Variants in KCNQ5 observed in about 807,000 individuals in gnomAD.
KCNQ5 encodes potassium voltage-gated channel subfamily KQT member 5.
A neutral mutation model predicts 98.2 loss-of-function variants in KCNQ5; 30 were observed. The observed-to-expected ratio is 0.31, with a 90% CI of 0.23 to 0.41. The LOEUF is 0.41. Among genes scored for constraint, KCNQ5 ranks in the 10% least tolerant of loss-of-function variants. KCNQ5 has a pLI of 1.00. For missense variants in KCNQ5, 835 were observed against 1,182.5 expected (o/e 0.71, Z 4.31); for synonymous variants, 458 against 449.4 (o/e 1.02, Z -0.24).
At chr6:73,111,166 C>T in intron 6 of KCNQ5, 142 bp from the exon 7 acceptor site, 2 of 640,220 alleles carry the variant, frequency 3.1e-6, no homozygotes, top group Non-Finnish European at 5.5e-6. Context: ...ATAAATACTG[C>T]TTATTTTAAT....
At chr6:72,752,440 A>G (rs927432772) in intron 1 of KCNQ5, among the ~76,000 whole-genome samples, 2 of 152,158 alleles carry the variant, frequency 1.3e-5, no homozygotes, top group African/African-American at 2.4e-5. Context: ...CAGCCTAGGT[A>G]CAGATTTCTG....
chr6:72,986,340 G>C (rs1003429535), intron 1 of KCNQ5: 3 of 370,554 alleles, frequency 8.1e-6, no homozygotes, highest in African/African-American at 6.2e-5. Context: ...AGGTGGGGAA[G>C]TTTGGTCCAT....
chr6:72,841,371 C>A (rs1451405166), intron 1 of KCNQ5, among the ~76,000 whole-genome samples: 3 of 152,150 alleles, frequency 2.0e-5, no homozygotes, highest in East Asian at 3.8e-4. Context: ...TGTTTTACTG[C>A]TGTAATTATG....
chr6:72,679,100 T>C (rs985842021), intron 1 of KCNQ5, among the ~76,000 whole-genome samples: 3 of 152,168 alleles, frequency 2.0e-5, no homozygotes, highest in African/African-American at 7.2e-5. Flanking sequence ...TTGCAGAGAA[T>C]GTTTGTTTTG....
chr6:73,038,170 C>A (rs1049766760), intron 2 of KCNQ5, among the ~76,000 whole-genome samples: 4 of 151,984 alleles, frequency 2.6e-5, no homozygotes, highest in Admixed American at 6.5e-5. Context: ...ATTTTCATTT[C>A]CACATGATCA....
At chr6:73,185,309 G>A (rs1242510859) in intron 11 of KCNQ5, among the ~76,000 whole-genome samples, 2 of 152,112 alleles carry the variant, frequency 1.3e-5, no homozygotes, top group East Asian at 3.9e-4. Flanking sequence ...AGCCTCCCAA[G>A]TAGCTGGGAG....
chr6:73,152,032 GTCTC>G (rs1450510632), intron 10 of KCNQ5, among the ~76,000 whole-genome samples: 1 of 151,960 alleles, frequency 6.6e-6, no homozygotes, highest in Non-Finnish European at 1.5e-5. Flanking sequence ...CTCCTGTTGC[GTCTC>G]TCTGTGTCAC....
chr6:72,912,845 C>T (rs977807104), intron 1 of KCNQ5, among the ~76,000 whole-genome samples: 2 of 151,998 alleles, frequency 1.3e-5, no homozygotes, highest in Admixed American at 6.6e-5. Flanking sequence ...TATTTGAATT[C>T]TATATTATTA....
At chr6:73,144,266 T>A (rs1255623924) in intron 10 of KCNQ5, among the ~76,000 whole-genome samples, 1 of 152,214 alleles carries the variant, frequency 6.6e-6, no homozygotes, top group Non-Finnish European at 1.5e-5. Context: ...TTTCAACATC[T>A]AATTTGTTCG....
At chr6:72,943,806 T>G (rs1766417952) in intron 1 of KCNQ5, among the ~76,000 whole-genome samples, 1 of 152,222 alleles carries the variant, frequency 6.6e-6, no homozygotes, top group African/African-American at 2.4e-5. Context: ...AAATGACTGC[T>G]AAGATTTAGC....
intron 1 of KCNQ5, among the ~76,000 whole-genome samples, chr6:72,783,316 A>G (rs1561980557): frequency 6.6e-6 from 1 of 152,210 alleles, no homozygotes; most frequent in African/African-American, 2.4e-5. Context: ...AGGCTTCACA[A>G]TAAGAGTATT....
intron 3 of KCNQ5, among the ~76,000 whole-genome samples, chr6:73,048,508 G>C (rs1182017321): frequency 3.9e-5 from 6 of 152,172 alleles, no homozygotes; most frequent in African/African-American, 1.4e-4. Context: ...CAGGCCACCA[G>C]GCAAAGGTCC....
chr6:73,049,249 G>C (rs1285279624), intron 3 of KCNQ5, among the ~76,000 whole-genome samples: 2 of 152,174 alleles, frequency 1.3e-5, no homozygotes, highest in African/African-American at 4.8e-5. Context: ...TGCAGGAGGA[G>C]ACTTTTAAAA....
intron 1 of KCNQ5, among the ~76,000 whole-genome samples, chr6:72,711,454 G>C (rs1344581698): frequency 1.3e-5 from 2 of 152,162 alleles, no homozygotes; most frequent in Non-Finnish European, 2.9e-5. Flanking sequence ...AAAAGCACTT[G>C]GTGCATTTGA....
intron 9 of KCNQ5, among the ~76,000 whole-genome samples, chr6:73,125,878 A>G (rs180904573): frequency 9.5e-4 from 144 of 151,884 alleles, no homozygotes; most frequent in Non-Finnish European, 5.0e-4. Context: ...CCTTGGAGAT[A>G]TTTCCAGAAA....
At chr6:72,746,376 C>G (rs1453082104) in intron 1 of KCNQ5, among the ~76,000 whole-genome samples, 1 of 152,126 alleles carries the variant, frequency 6.6e-6, no homozygotes, top group Non-Finnish European at 1.5e-5. Flanking sequence ...TCTTCTCTTT[C>G]TCATGATTTT....
intron 1 of KCNQ5, among the ~76,000 whole-genome samples, chr6:72,786,205 C>T (rs933055187): frequency 6.6e-6 from 1 of 152,130 alleles, no homozygotes; most frequent in Non-Finnish European, 1.5e-5. Flanking sequence ...TTTGAACCAA[C>T]CACATTTCAA....
At chr6:72,995,502 G>A (rs977029301) in intron 1 of KCNQ5, among the ~76,000 whole-genome samples, 13 of 152,214 alleles carry the variant, frequency 8.5e-5, no homozygotes, top group African/African-American at 2.6e-4. Flanking sequence ...TACATCAGGG[G>A]AATAGAGTAG....
At chr6:73,121,649 C>CA (rs1170587310) in intron 8 of KCNQ5, among the ~76,000 whole-genome samples, 4 of 152,152 alleles carry the variant, frequency 2.6e-5, no homozygotes, top group Non-Finnish European at 5.9e-5. Context: ...CTGTGACTCA[C>CA]AAAAAACCAC....
Sources: allele counts gnomAD v4.1 joint callset (sites outside exome capture counted in the v4.1 genomes callset), GRCh38; gene constraint gnomAD v4.1.1; transcripts MANE v1.5; gene names NCBI Gene and HGNC (gene_info 2026-07-23, HGNC 2026-07-21).